Variants in STX8 observed in about 807,000 individuals in gnomAD.
The protein encoded by STX8 is syntaxin 8.
A neutral mutation model predicts 37.5 loss-of-function variants in STX8; 23 were observed. That is an observed-to-expected ratio of 0.61 (90% confidence interval 0.44 to 0.87). STX8 has a LOEUF of 0.87. Ranked by LOEUF, STX8 falls within the 40% of genes least tolerant of loss-of-function variation. STX8 has a pLI of 0.00. For synonymous variants in STX8, 115 were observed against 99.1 expected, an observed-to-expected ratio of 1.16 and a Z score of -0.95; for missense variants, 313 against 284.7, an observed-to-expected ratio of 1.10 and a Z score of -0.71.
intron 7 of STX8, among the ~76,000 whole-genome samples, chr17:9,258,664 T>C (rs1906891000): frequency 6.6e-6 from 1 of 152,246 alleles, no homozygotes; most frequent in Non-Finnish European, 1.5e-5. Flanking sequence ...ATTAAAACAC[T>C]GGGCAAAAGT....
intron 7 of STX8, among the ~76,000 whole-genome samples, chr17:9,252,511 A>G (rs1906622274): frequency 6.6e-6 from 1 of 151,528 alleles, no homozygotes; most frequent in Non-Finnish European, 1.5e-5. Flanking sequence ...TGGGAGGCTA[A>G]GGCAAGAGAA....
At chr17:9,539,831 T>A (rs2142558024) in intron 4 of STX8, among the ~76,000 whole-genome samples, 2 of 152,274 alleles carry the variant, frequency 1.3e-5, no homozygotes, top group Middle Eastern at 3.4e-3. Context: ...AGAAACCAAC[T>A]GGCAGAGAAA....
intron 7 of STX8, among the ~76,000 whole-genome samples, chr17:9,280,880 G>C (rs17808607): frequency 0.21 from 31,760 of 152,134 alleles, 3,445 homozygotes; most frequent in Middle Eastern, 0.29. Flanking sequence ...ACAATCTGTC[G>C]TAAGGAAATT....
rs547674227 is a variant in STX8 at position 9,370,312 on chromosome 17, T to G, written c.643+8240A>C. Among the ~76,000 whole-genome samples the G allele has an allele frequency of 2.0e-3, 301 of 152,310 alleles. 2 individuals are homozygous for G. Among genetic ancestry groups the G allele is most frequent in the Non-Finnish European group, 2.9e-3 (196 of 68,022 alleles). On this transcript the variant is annotated intron_variant, in intron 7 of 7. Coordinates refer to ENST00000306357, the MANE Select transcript of STX8 (RefSeq NM_004853.3). Reference sequence around the variant, plus strand: ...ATTGTGCCACCTAACTGTTCTCACTTAGTCTACAGAACAATCACATGTACT... The same window carrying G: ...ATTGTGCCACCTAACTGTTCTCACTGAGTCTACAGAACAATCACATGTACT...
intron 6 of STX8, among the ~76,000 whole-genome samples, chr17:9,389,825 C>T (rs1418252531): frequency 3.3e-5 from 5 of 152,170 alleles, no homozygotes; most frequent in Admixed American, 1.3e-4. Context: ...TAATTCCCTC[C>T]GTTCCCTATA....
chr17:9,535,423 A>ATTTTTTTTTTT (rs1597728764), intron 4 of STX8, among the ~76,000 whole-genome samples: 11 of 41,134 alleles, frequency 2.7e-4, no homozygotes, highest in African/African-American at 3.7e-4. Flanking sequence ...CAGCCATCCT[A>ATTTTTTTTTTT]CTTTTTTTTT....
chr17:9,257,888 C>T (rs1161883417), intron 7 of STX8, among the ~76,000 whole-genome samples: 1 of 152,206 alleles, frequency 6.6e-6, no homozygotes, highest in East Asian at 1.9e-4. Context: ...ACTTGGGAGG[C>T]TGAGGCTGGA....
intron 7 of STX8, among the ~76,000 whole-genome samples, chr17:9,356,124 T>A (rs1910874363): frequency 6.6e-6 from 1 of 152,192 alleles, no homozygotes; most frequent in African/African-American, 2.4e-5. Flanking sequence ...CTACATTTGT[T>A]CACATCTAAA....
intron 6 of STX8, among the ~76,000 whole-genome samples, chr17:9,486,253 C>A (rs551569655): frequency 6.6e-6 from 1 of 152,204 alleles, no homozygotes; most frequent in Admixed American, 6.5e-5. Context: ...CAGCAGATTC[C>A]AGGGATAGGA....
chr17:9,533,387 A>G (rs1397891639), intron 4 of STX8, among the ~76,000 whole-genome samples: 3 of 152,210 alleles, frequency 2.0e-5, no homozygotes, highest in East Asian at 3.8e-4. Flanking sequence ...GAATCACTGG[A>G]ACCTCGGAGG....
chr17:9,266,697 A>G (rs534054661), intron 7 of STX8, among the ~76,000 whole-genome samples: 2 of 152,176 alleles, frequency 1.3e-5, no homozygotes, highest in East Asian at 1.9e-4. Flanking sequence ...TTGGCCCCCA[A>G]CTCATCTCCA....
Position 9,383,614 on chromosome 17 carries a change from A to T in STX8, c.542-4961T>A, listed in dbSNP as rs1483261983. Among the ~76,000 whole-genome samples the T allele has an allele frequency of 3.9e-5, 6 of 152,094 alleles. No individual in the cohort carries two copies. The East Asian group carries it at 1.2e-3, about 29-fold the overall frequency. On this transcript the variant is annotated intron_variant, in intron 6 of 7. Transcript: ENST00000306357. ...CAGCATCTGTTGAACATTTTATTAGAAGTCCCAGATTGTTCAATAAGGCAG... is the reference window on the plus strand; with the variant it reads ...CAGCATCTGTTGAACATTTTATTAGTAGTCCCAGATTGTTCAATAAGGCAG...
chr17:9,440,201 T>C (rs780888589), intron 6 of STX8, among the ~76,000 whole-genome samples: 3 of 152,170 alleles, frequency 2.0e-5, no homozygotes, highest in African/African-American at 4.8e-5. Flanking sequence ...TTAAGAAACA[T>C]GGAATCGGAT....
At chr17:9,536,671 T>C (rs1295366385) in intron 4 of STX8, among the ~76,000 whole-genome samples, 1 of 152,114 alleles carries the variant, frequency 6.6e-6, no homozygotes, top group Non-Finnish European at 1.5e-5. Flanking sequence ...CTAATTCCAC[T>C]GTGCTGTGAT....
chr17:9,400,441 G>A (rs1381707264), intron 6 of STX8, among the ~76,000 whole-genome samples: 1 of 149,338 alleles, frequency 6.7e-6, no homozygotes, highest in African/African-American at 2.5e-5. Flanking sequence ...GTCTCGCGCT[G>A]TCACGCAGGC....
At chr17:9,562,774 G>A (rs1907296661) in intron 2 of STX8, among the ~76,000 whole-genome samples, 1 of 152,072 alleles carries the variant, frequency 6.6e-6, no homozygotes, top group Non-Finnish European at 1.5e-5. Flanking sequence ...GCCAGGCTGT[G>A]AAGAAACAGA....
intron 6 of STX8, among the ~76,000 whole-genome samples, chr17:9,457,974 T>C (rs1327573173): frequency 6.6e-6 from 1 of 152,202 alleles, no homozygotes; most frequent in African/African-American, 2.4e-5. Context: ...TTCACTATAA[T>C]GTAGCAAATA....
chr17:9,384,571 G>A (rs1911924545), intron 6 of STX8, among the ~76,000 whole-genome samples: 1 of 151,880 alleles, frequency 6.6e-6, no homozygotes, highest in Admixed American at 6.6e-5. Flanking sequence ...CCGGGAGGCG[G>A]AGCTTGCAGA....
intron 7 of STX8, among the ~76,000 whole-genome samples, chr17:9,293,270 C>T (rs2108945): frequency 0.49 from 74,627 of 151,948 alleles, 18,693 homozygotes; most frequent in Non-Finnish European, 0.53. Flanking sequence ...AGTTTCTAGG[C>T]AGTATTCTAG....
Sources: allele counts gnomAD v4.1 joint callset (sites outside exome capture counted in the v4.1 genomes callset), GRCh38; gene constraint gnomAD v4.1.1; transcripts MANE v1.5; gene names NCBI Gene and HGNC (gene_info 2026-07-23, HGNC 2026-07-21).